SEMA3D: variants seen among roughly 807,000 people sequenced by gnomAD.
The protein encoded by SEMA3D is semaphorin 3D, also known as semaphorin-3D.
A neutral mutation model predicts 100.1 loss-of-function variants in SEMA3D; 84 were observed. That is an observed-to-expected ratio of 0.84 (90% confidence interval 0.70 to 1.01). SEMA3D has a LOEUF of 1.01. Among genes scored for constraint, SEMA3D ranks in the 50% least tolerant of loss-of-function variants. The pLI, the probability that SEMA3D is intolerant of heterozygous loss-of-function variation, is 0.00. For synonymous variants in SEMA3D, 312 were observed against 320.7 expected, an observed-to-expected ratio of 0.97 and a Z score of 0.29; for missense variants, 875 against 934.1, an observed-to-expected ratio of 0.94 and a Z score of 0.82.
In SEMA3D at chr7:85,015,201, C is replaced by T; in HGVS notation, c.1561G>A (p.Gly521Ser). 5.6e-6 allele frequency: 9 copies of T among 1,608,630 alleles called. No individual in the cohort carries two copies. The highest frequency in any genetic ancestry group is 7.7e-6 in the Non-Finnish European group (9 of 1,176,094). The change falls in exon 16 of 19, where the codon GGT (glycine) becomes AGT (serine). Residue 521 changes from glycine to serine, a missense_variant. Gly to Ser is a moderately conservative substitution (Grantham distance 56). Transcript: ENST00000284136. ...LSLKQQQLYI[G>S]SRDGLVQLSL... ...AGCTGAACCAATCCATCTCGGGAAC[C>T]AATGTACAATTGTTGCTGCAAATCG...
intron 10 of SEMA3D, 196 bp downstream of exon 10, chr7:85,041,975 G>C: frequency 1.8e-6 from 1 of 548,650 alleles, no homozygotes; most frequent in Non-Finnish European, 3.2e-6. Context: ...ACAAAGAGAA[G>C]AGTTACTGCA....
chr7:85,023,236 C>T (rs1262043144), intron 12 of SEMA3D, among the ~76,000 whole-genome samples: 6 of 151,838 alleles, frequency 4.0e-5, no homozygotes, highest in Non-Finnish European at 7.4e-5. Context: ...TGCCTTTCAG[C>T]ATCCACTAAA....
chr7:85,116,375 T>G (rs932463701), intron 3 of SEMA3D, among the ~76,000 whole-genome samples: 199 of 146,630 alleles, frequency 1.4e-3, no homozygotes, highest in Middle Eastern at 4.0e-3. Flanking sequence ...TTTATATATA[T>G]TTATATAAAT....
chr7:85,089,705 C>T (rs1788326930), intron 4 of SEMA3D, among the ~76,000 whole-genome samples: 3 of 151,980 alleles, frequency 2.0e-5, no homozygotes, highest in African/African-American at 7.3e-5. Context: ...GGCAACATGG[C>T]AACACTCTGT....
chr7:85,012,297 A>T (rs558828598), intron 17 of SEMA3D, among the ~76,000 whole-genome samples: 9 of 151,928 alleles, frequency 5.9e-5, no homozygotes, highest in African/African-American at 2.2e-4. Context: ...TTACATGCAC[A>T]TGGAAGTCGC....
chr7:85,182,218 G>C (rs1414477312), intron 1 of SEMA3D, among the ~76,000 whole-genome samples: 1 of 151,644 alleles, frequency 6.6e-6, no homozygotes, highest in African/African-American at 2.4e-5. Context: ...TTTTTAATTA[G>C]TATTCTTATA....
At chr7:85,133,208 C>T (rs759290690) in intron 2 of SEMA3D, among the ~76,000 whole-genome samples, 2 of 152,028 alleles carry the variant, frequency 1.3e-5, no homozygotes, top group South Asian at 2.1e-4. Context: ...CCACCCTTAT[C>T]GCCCTCCTTA....
At chr7:85,199,757 T>C in the SEMA3D span, among the ~76,000 whole-genome samples, 1 of 152,220 alleles carries the variant, frequency 6.6e-6, no homozygotes, top group Non-Finnish European at 1.5e-5. Flanking sequence ...AGATATGATT[T>C]TCATCAGCTA....
chr7:85,177,748 GTATT>G (rs1583992623), intron 1 of SEMA3D, among the ~76,000 whole-genome samples: 1 of 152,178 alleles, frequency 6.6e-6, no homozygotes, highest in African/African-American at 2.4e-5. Flanking sequence ...CTAATTTACA[GTATT>G]TATTTATTAT....
At chr7:85,211,685 G>A in the SEMA3D span, among the ~76,000 whole-genome samples, 9 of 151,998 alleles carry the variant, frequency 5.9e-5, no homozygotes, top group Non-Finnish European at 1.0e-4. Context: ...AACTGTGTGC[G>A]TGTGCTCTTC....
At chr7:85,025,452 C>G (rs1182086594) in intron 12 of SEMA3D, among the ~76,000 whole-genome samples, 1 of 151,970 alleles carries the variant, frequency 6.6e-6, no homozygotes, top group African/African-American at 2.4e-5. Flanking sequence ...CTTGGCAAGT[C>G]TGCGTGTTTG....
intron 18 of SEMA3D, among the ~76,000 whole-genome samples, chr7:85,004,017 A>G (rs1789727037): frequency 6.6e-6 from 1 of 152,122 alleles, no homozygotes; most frequent in Admixed American, 6.6e-5. Flanking sequence ...GAAAGCAGAG[A>G]AAGACTCAGA....
At chr7:85,011,563 A>G (rs1291540142) in intron 17 of SEMA3D, among the ~76,000 whole-genome samples, 1 of 151,838 alleles carries the variant, frequency 6.6e-6, no homozygotes, top group East Asian at 1.9e-4. Context: ...GAATATAAAT[A>G]TCGTGAATGC....
chr7:85,118,941 G>C (rs1331080867), intron 3 of SEMA3D, among the ~76,000 whole-genome samples: 1 of 152,022 alleles, frequency 6.6e-6, no homozygotes, highest in African/African-American at 2.4e-5. Context: ...ACTAAAAGGT[G>C]GGCAAAGGAC....
chr7:85,231,557 TC>T, the SEMA3D span, among the ~76,000 whole-genome samples: 2 of 150,072 alleles, frequency 1.3e-5, no homozygotes, highest in East Asian at 4.0e-4. Flanking sequence ...TTCACGCCAT[TC>T]TCCTGCCTCA....
chr7:85,031,502 C>A (rs913748046), intron 12 of SEMA3D, among the ~76,000 whole-genome samples: 2 of 151,856 alleles, frequency 1.3e-5, no homozygotes, highest in South Asian at 4.1e-4. Flanking sequence ...AGAGAATAGA[C>A]AAATCTCTGG....
chr7:85,217,687 T>G, the SEMA3D span, among the ~76,000 whole-genome samples: 1 of 152,122 alleles, frequency 6.6e-6, no homozygotes, highest in Non-Finnish European at 1.5e-5. Context: ...AACACCCATT[T>G]GTTTATGAAA....
rs1016546692 is a variant in SEMA3D, at chr7:85,077,063, G to A, written c.376-3982C>T. ...AGAGGTTGCAGTGAGCCGAGATTGC[G>A]CCACTGCACTCCAGCCTGGGCAACA... is the stretch of plus-strand genomic sequence containing the variant. On this transcript the variant is annotated intron_variant, in intron 5 of 18. Coordinates refer to ENST00000284136, the MANE Select transcript of SEMA3D (RefSeq NM_001384900.1). Among the ~76,000 whole-genome samples, 20 of 144,514 alleles carry A rather than the reference G, an allele frequency of 1.4e-4. No homozygotes were observed. In the East Asian group the frequency reaches 3.4e-3, roughly 24 times the overall value. The allele number at this position is 144,514 out of a possible 152,430, so 94.8% of individuals were successfully genotyped here.
Position 84,998,862 on chromosome 7 carries a change from A to C in SEMA3D, c.*578T>G, listed in dbSNP as rs1789573165. On this transcript the variant is annotated 3_prime_UTR_variant, in exon 19 of 19. Transcript: ENST00000284136. ...GTAAATCAATGTTGTAGTACACTAA[A>C]TTTAACCCCAGTGGCCAGAAAGAAA... is the stretch of plus-strand genomic sequence containing the variant. 1 of 153,786 alleles carries C rather than the reference A, an allele frequency of 6.5e-6. No homozygotes were observed. The highest frequency in any genetic ancestry group is 6.4e-5 in the Admixed American group (1 of 15,602). The allele number at this position is 153,786 out of a possible 1,614,324, so 9.5% of individuals were successfully genotyped here.
Sources: allele counts gnomAD v4.1 joint callset (sites outside exome capture counted in the v4.1 genomes callset), GRCh38; gene constraint gnomAD v4.1.1; transcripts MANE v1.5; gene names NCBI Gene and HGNC (gene_info 2026-07-23, HGNC 2026-07-21).